The following IMMP2L variants were observed in gnomAD, a reference collection of about 807,000 sequenced individuals.
The protein encoded by IMMP2L is inner mitochondrial membrane peptidase subunit 2, also known as mitochondrial inner membrane protease subunit 2.
A neutral mutation model predicts 19.3 loss-of-function variants in IMMP2L; 18 were observed. That is an observed-to-expected ratio of 0.93 (90% CI 0.64 to 1.38). The LOEUF is 1.38. IMMP2L is among the 40% of genes most tolerant of loss of function. The pLI is 0.00. For synonymous variants in IMMP2L, 76 were observed against 73.0 expected, an observed-to-expected ratio of 1.04 and a Z score of -0.21; for missense variants, 233 against 218.2, an observed-to-expected ratio of 1.07 and a Z score of -0.43.
intron 2 of IMMP2L, among the ~76,000 whole-genome samples, chr7:111,491,180 T>G (rs1219888634): frequency 6.6e-6 from 1 of 152,164 alleles, no homozygotes; most frequent in Non-Finnish European, 1.5e-5. Flanking sequence ...TTCTTTTCCC[T>G]ATCTTACTTT....
At chr7:110,916,172 G>A (rs1280613828) in intron 4 of IMMP2L, among the ~76,000 whole-genome samples, 3 of 152,118 alleles carry the variant, frequency 2.0e-5, no homozygotes, top group Non-Finnish European at 4.4e-5. Context: ...TTAGTCATGC[G>A]AAAGTAACAG....
At chr7:111,545,003 T>C (rs1392683999) in intron 1 of IMMP2L, among the ~76,000 whole-genome samples, 2 of 151,994 alleles carry the variant, frequency 1.3e-5, no homozygotes, top group African/African-American at 4.8e-5. Context: ...AGAAGCAGAA[T>C]AAGACAACAT....
intron 4 of IMMP2L, among the ~76,000 whole-genome samples, chr7:110,948,289 T>G: frequency 6.6e-6 from 1 of 152,370 alleles, no homozygotes; most frequent in East Asian, 1.9e-4. Context: ...AATATGGAAA[T>G]AATTACTGCT....
In IMMP2L at chr7:111,064,559, C is replaced by A. The variant is rs143448741; in HGVS notation, c.240-100994G>T. On this transcript the variant is annotated intron_variant, in intron 3 of 5. Transcript: ENST00000405709. ...CAAAGGGTGGAAGTAGAAGTGGCAC[C>A]ATTCACCATCATCCCTAGTGATCCA... 4.9e-3 allele frequency among the ~76,000 whole-genome samples: 749 copies of A among 152,152 alleles called. 11 individuals are homozygous for A. Among genetic ancestry groups the A allele is most frequent in the African/African-American group, 0.018 (727 of 41,496 alleles).
intron 5 of IMMP2L, among the ~76,000 whole-genome samples, chr7:110,884,428 A>G (rs1423459045): frequency 6.6e-6 from 1 of 152,056 alleles, no homozygotes; most frequent in Non-Finnish European, 1.5e-5. Flanking sequence ...ACTACCAGAC[A>G]ATTATCACAA....
At chr7:111,069,315 A>G (rs1203159420) in intron 3 of IMMP2L, among the ~76,000 whole-genome samples, 1 of 152,116 alleles carries the variant, frequency 6.6e-6, no homozygotes, top group African/African-American at 2.4e-5. Context: ...TGTTTATCTG[A>G]CATATCTGGG....
chr7:110,750,269 A>G (rs192130440), intron 5 of IMMP2L, among the ~76,000 whole-genome samples: 15 of 152,164 alleles, frequency 9.9e-5, no homozygotes, highest in African/African-American at 2.2e-4. Flanking sequence ...TTTTTTGTCA[A>G]TACAAAGCAA....
At chr7:111,346,137 T>C (rs1229363963) in intron 3 of IMMP2L, among the ~76,000 whole-genome samples, 1 of 152,156 alleles carries the variant, frequency 6.6e-6, no homozygotes, top group East Asian at 1.9e-4. Flanking sequence ...ATAAGAACCA[T>C]CATATGTAGT....
At chr7:111,493,326 T>G (rs1479756746) in intron 2 of IMMP2L, among the ~76,000 whole-genome samples, 1 of 152,080 alleles carries the variant, frequency 6.6e-6, no homozygotes, top group Non-Finnish European at 1.5e-5. Flanking sequence ...AAGAAAAACC[T>G]TCTTGAATTG....
At chr7:111,363,276 T>C (rs1343575194) in intron 3 of IMMP2L, among the ~76,000 whole-genome samples, 1 of 152,112 alleles carries the variant, frequency 6.6e-6, no homozygotes, top group Non-Finnish European at 1.5e-5. Context: ...CATAACCCTG[T>C]TAGAAATGTG....
rs760025376 is a variant in IMMP2L, at chr7:110,728,952, G to C, written c.409-65231C>G. ...TTCACCCAGGCTGGACTGCAATGGC[G>C]CGATCTCAGCTCACAGCAACCTCCG... On this transcript the variant is annotated intron_variant, in intron 5 of 5. Transcript: ENST00000405709. This position sits in a 1 kb window ranked among gnomAD's most constrained non-coding sequence, Gnocchi z 4.6. 1.3e-5 allele frequency among the ~76,000 whole-genome samples: 2 copies of C among 152,018 alleles called. No homozygotes were observed. Among genetic ancestry groups the C allele is most frequent in the Non-Finnish European group, 2.9e-5 (2 of 68,010 alleles).
intron 5 of IMMP2L, among the ~76,000 whole-genome samples, chr7:110,730,209 T>A (rs1796168716): frequency 6.6e-6 from 1 of 152,060 alleles, no homozygotes; most frequent in Non-Finnish European, 1.5e-5. Context: ...AACATTTGAG[T>A]CAGTGGACTG....
chr7:110,800,090 A>C (rs745344487), intron 5 of IMMP2L, among the ~76,000 whole-genome samples: 2 of 152,214 alleles, frequency 1.3e-5, no homozygotes, highest in Non-Finnish European at 2.9e-5. Context: ...GTTCAAATGG[A>C]ATTCATGCAC....
chr7:111,307,476 T>C (rs957185987), intron 3 of IMMP2L, among the ~76,000 whole-genome samples: 2 of 151,812 alleles, frequency 1.3e-5, no homozygotes, highest in Non-Finnish European at 2.9e-5. Context: ...GCAAAAACTA[T>C]GATTATCTAC....
intron 3 of IMMP2L, among the ~76,000 whole-genome samples, chr7:111,193,898 A>C: frequency 6.6e-6 from 1 of 152,160 alleles, no homozygotes; most frequent in East Asian, 1.9e-4. Flanking sequence ...TGTCCTACTC[A>C]TCAATTGACC....
At chr7:111,102,792 T>C (rs1055066786) in intron 3 of IMMP2L, among the ~76,000 whole-genome samples, 8 of 151,576 alleles carry the variant, frequency 5.3e-5, no homozygotes, top group Non-Finnish European at 1.2e-4. Context: ...TCCGAAACCA[T>C]TCTTCACTAA....
At chr7:111,543,597 T>C (rs1319126123) in intron 1 of IMMP2L, among the ~76,000 whole-genome samples, 3 of 152,192 alleles carry the variant, frequency 2.0e-5, no homozygotes. Flanking sequence ...TAGAAGATCA[T>C]GTTACCCTAA....
At chr7:111,206,983 T>G (rs1196198239) in intron 3 of IMMP2L, among the ~76,000 whole-genome samples, 1 of 152,186 alleles carries the variant, frequency 6.6e-6, no homozygotes, top group African/African-American at 2.4e-5. Flanking sequence ...TTCAACTCTT[T>G]CTGAATAAAA....
rs1345666282 is a variant in IMMP2L at position 111,388,691 on chromosome 7, C to G, written c.239+98547G>C. 2.0e-5 allele frequency among the ~76,000 whole-genome samples: 3 copies of G among 151,842 alleles called. No individual in the cohort carries two copies. The East Asian group carries it at 5.8e-4, about 29-fold the overall frequency. The stretch of plus-strand genomic sequence containing the variant: ...TGGCAAGAGAAAAATGAGGAGGAAG[C>G]AAAAGCAGAAACCCCGGATAAACAC... On this transcript the variant is annotated intron_variant, in intron 3 of 5. Coordinates refer to ENST00000405709, the MANE Select transcript of IMMP2L (RefSeq NM_032549.4).
Sources: allele counts gnomAD v4.1 joint callset (sites outside exome capture counted in the v4.1 genomes callset), GRCh38; gene constraint gnomAD v4.1.1; non-coding constraint Gnocchi (gnomAD v3.1); transcripts MANE v1.5; gene names NCBI Gene and HGNC (gene_info 2026-07-23, HGNC 2026-07-21).